PRSS8: variants seen among roughly 807,000 people sequenced by gnomAD.
PRSS8 encodes the protein serine protease 8.
In PRSS8, 11 loss-of-function variants were observed where a neutral mutation model predicts 26.7. That is an observed-to-expected ratio of 0.41 (90% confidence interval 0.26 to 0.68). PRSS8 has a LOEUF of 0.68. PRSS8 is among the 30% of genes least tolerant of loss of function. The pLI is 0.30. For missense variants in PRSS8, 362 were observed against 443.5 expected (o/e 0.82, Z 1.65); for synonymous variants, 183 against 187.0 (o/e 0.98, Z 0.17).
chr16:31,132,511 T>C lies in PRSS8; in HGVS notation c.623A>G (p.Asp208Gly). The C allele has an allele frequency of 6.2e-7, 1 of 1,613,960 alleles. No individual in the cohort carries two copies. Among genetic ancestry groups the C allele is most frequent in the Non-Finnish European group, 8.5e-7 (1 of 1,179,874 alleles). ...AAAGTGCGGCTCCTCAGGCTTGGCGTCGATGTTGTACAGGCAGTTACACGT... is the reference window on the plus strand; with the variant it reads ...AAAGTGCGGCTCCTCAGGCTTGGCGCCGATGTTGTACAGGCAGTTACACGT... The part of the protein sequence containing the change: ...RETCNCLYNI[D>G]AKPEEPHFVQ... The change falls in exon 5 of 6, where the codon GAC becomes GGC. Residue 208 changes from aspartate to glycine, a missense_variant. Asp to Gly is a moderately conservative substitution (Grantham distance 94). Coordinates refer to ENST00000317508, the MANE Select transcript of PRSS8 (RefSeq NM_002773.5). This position sits in a 1 kb window ranked among gnomAD's most constrained non-coding sequence, Gnocchi z 5.2.
At position 31,133,155 on chromosome 16, in the gene PRSS8, C is replaced by T. The variant is rs772285037; in HGVS notation, c.266+71G>A. On this transcript the variant is annotated intron_variant, in intron 3 of 5. Coordinates refer to ENST00000317508, the MANE Select transcript of PRSS8 (RefSeq NM_002773.5). The surrounding 1 kb of genome is among the most constrained non-coding windows in gnomAD (Gnocchi z 4.7). ...ACACTCTCAGACCCAACCCAAGAAC[C>T]CCAACCTCTGACCTGGATTGACCCA... The T allele has an allele frequency of 6.2e-7, 1 of 1,607,896 alleles. No homozygotes were observed. Among genetic ancestry groups the T allele is most frequent in the Admixed American group, 1.7e-5 (1 of 59,872 alleles).
Position 31,135,476 on chromosome 16 carries a change from C to T in PRSS8, c.23G>A (p.Gly8Glu), listed in dbSNP as rs148529565. The T allele has an allele frequency of 4.0e-3, 6,363 of 1,578,322 alleles. 32 individuals carry two copies. The highest frequency in any genetic ancestry group is 0.03 in the Middle Eastern group (181 of 6,016). Residue 8 changes from glycine (G) to glutamate (E), a missense_variant, in exon 1 of 6, where the codon GGG becomes GAG. Transcript: ENST00000317508. ...GGCCACAGCCCCCAGCTGCCCAGGC[C>T]CCAGGACCCCCTTCTGGGCCATGGC... MAQKGVL[G>E]PGQLGAVAIL...
chr16:31,135,177 A>G lies in PRSS8; in HGVS notation c.86-6T>C. ...ACCTTCTGCCCCTTCCGCTCCTAGA[A>G]AGAAAGAGAAAGAGGAGGGGTGAGT... On this transcript the variant is annotated splice_region_variant and splice_polypyrimidine_tract_variant and intron_variant, in intron 1 of 5. Transcript: ENST00000317508. 1 of 1,612,674 alleles carries G rather than the reference A, an allele frequency of 6.2e-7. No homozygotes were observed. The highest frequency in any genetic ancestry group is 1.1e-5 in the South Asian group (1 of 90,604).
intron 2 of PRSS8, chr16:31,134,385 C>T (rs1158696129): frequency 3.9e-5 from 6 of 152,364 alleles, no homozygotes; most frequent in Admixed American, 1.3e-4. Context: ...ACATGACCAG[C>T]TTCATTTTAG....
Position 31,132,370 on chromosome 16 carries a change from C to A in PRSS8, c.706-35G>T. On this transcript the variant is annotated intron_variant, in intron 5 of 5. Coordinates refer to ENST00000317508, the MANE Select transcript of PRSS8 (RefSeq NM_002773.5). The surrounding 1 kb of genome is among the most constrained non-coding windows in gnomAD (Gnocchi z 5.2). ...GAAGCCACACAGCAGCCATCAGGAC[C>A]GGGCCAGGCCTCCTTTCCGAAGTTG... 1 of 1,613,902 alleles carries A rather than the reference C, an allele frequency of 6.2e-7. No homozygotes were observed. The highest frequency in any genetic ancestry group is 8.5e-7 in the Non-Finnish European group (1 of 1,179,854).
rs1479649889 is a variant in PRSS8, at chr16:31,135,725, T to C, written c.-227A>G. On this transcript the variant is annotated 5_prime_UTR_variant, in exon 1 of 6. Transcript: ENST00000317508. ...CAGTGTGGACGAGTCACCAGCACCG[T>C]CTGGCCACGCAGGGTCCTCCCAGGA... 2.0e-6 allele frequency: 1 copy of C among 496,542 alleles called. No individual in the cohort carries two copies. Among genetic ancestry groups the C allele is most frequent in the Non-Finnish European group, 3.6e-6 (1 of 280,548 alleles). 30.8% of individuals were successfully genotyped at this position (496,542 alleles called of 1,614,324 possible).
In PRSS8 at chr16:31,135,243, T is replaced by TG. The variant is rs750961154; in HGVS notation, c.86-73dup. 1.1e-5 allele frequency: 18 copies of TG among 1,607,024 alleles called. No homozygotes were observed. The South Asian group carries it at 2.0e-4, about 18-fold the overall frequency. On this transcript the variant is annotated intron_variant, in intron 1 of 5. Transcript: ENST00000317508. ...TCCCTGACCCCTTAGTACCCACCAC[T>TG]GCTCCAGAGGGCTGGCCCCTTCCCT...
chr16:31,134,828 G>C (rs889253060), intron 2 of PRSS8: 1 of 339,218 alleles, frequency 2.9e-6, no homozygotes, highest in South Asian at 3.8e-5. Flanking sequence ...AGCTGCGATC[G>C]GGCCACTGCA....
chr16:31,133,078 ACCTCTGACC>A lies in PRSS8; in HGVS notation c.267-134_267-126del. 6.4e-7 allele frequency: 1 copy of A among 1,573,436 alleles called. No individual in the cohort carries two copies. Among genetic ancestry groups the A allele is most frequent in the South Asian group, 1.1e-5 (1 of 89,712 alleles). On this transcript the variant is annotated intron_variant, in intron 3 of 5. Transcript: ENST00000317508. The surrounding 1 kb of genome is among the most constrained non-coding windows in gnomAD (Gnocchi z 4.7). ...AATTGCACCTTAGTTTTATCATGTA[ACCTCTGACC>A]CCTCACCTTCACTCCTAACTGGTCC...
intron 1 of PRSS8, 28 bp downstream of exon 1, chr16:31,135,386 C>T (rs1433164902): frequency 6.3e-7 from 1 of 1,580,840 alleles, no homozygotes; most frequent in East Asian, 2.3e-5. Flanking sequence ...GTGCATTGTC[C>T]CCACCCTGCC....
In PRSS8 at chr16:31,135,120, C is replaced by T. The variant is rs1040578443; in HGVS notation, c.103+34G>A. The T allele has an allele frequency of 3.1e-6, 5 of 1,608,878 alleles. No homozygotes were observed. The African/African-American group carries it at 4.0e-5, about 13-fold the overall frequency. On this transcript the variant is annotated intron_variant, in intron 2 of 5. Coordinates refer to ENST00000317508, the MANE Select transcript of PRSS8 (RefSeq NM_002773.5). ...GGGGAATCCGATCCAAGTCACCTCC[C>T]CCTCCCCTCCTCCCTCTCCGAGGAA...
At position 31,131,574 on chromosome 16, in the gene PRSS8, G is replaced by A; in HGVS notation, c.*435C>T. The A allele has an allele frequency of 2.0e-6, 1 of 499,858 alleles. No individual in the cohort carries two copies. The highest frequency in any genetic ancestry group is 3.6e-6 in the Non-Finnish European group (1 of 281,302). The allele number at this position is 499,858 out of a possible 1,614,324, so 31.0% of individuals were successfully genotyped here. On this transcript the variant is annotated 3_prime_UTR_variant, in exon 6 of 6. Coordinates refer to ENST00000317508, the MANE Select transcript of PRSS8 (RefSeq NM_002773.5). ...GCTCAGCGGCCAGTGGGCAAGATTG[G>A]GGCCTTTCCTGTCCTCGAAGCTGCA...
chr16:31,135,057 G>A, intron 2 of PRSS8, 97 bp downstream of exon 2: 1 of 1,440,034 alleles, frequency 6.9e-7, no homozygotes, highest in Non-Finnish European at 9.5e-7. Flanking sequence ...CTAGTTGGAA[G>A]GCAGCCCAGC....
At chr16:31,134,915 C>T in intron 2 of PRSS8, 1 of 569,766 alleles carries the variant, frequency 1.8e-6, no homozygotes, top group Non-Finnish European at 3.1e-6. Context: ...CCTCGATTGC[C>T]CCACTTTGGG....
rs371928654 is a variant in PRSS8 at position 31,132,831 on chromosome 16, C to G, written c.389G>C (p.Gly130Ala). ...GAGGAGTGCAATGTCGCCCTGGGAG[C>G]CCTCCTGGAGGTAGCTGGGGTGGGG... is the stretch of plus-strand genomic sequence containing the variant. ...IIPHPSYLQE[G>A]SQGDIALLQL... The change falls in exon 4 of 6, where the codon GGC becomes GCC. Residue 130 changes from glycine to alanine, a missense_variant. Gly to Ala is a moderately conservative substitution (Grantham distance 60, BLOSUM62 0). Coordinates refer to ENST00000317508, the MANE Select transcript of PRSS8 (RefSeq NM_002773.5). The surrounding 1 kb of genome is among the most constrained non-coding windows in gnomAD (Gnocchi z 5.2). The G allele has an allele frequency of 6.2e-7, 1 of 1,613,864 alleles. No individual in the cohort carries two copies. The highest frequency in any genetic ancestry group is 2.2e-5 in the East Asian group (1 of 44,872).
At position 31,133,336 on chromosome 16, in the gene PRSS8, G is replaced by A. The variant is rs143732587; in HGVS notation, c.156C>T (p.Val52=). The A allele has an allele frequency of 5.7e-5, 92 of 1,613,958 alleles. No homozygotes were observed. The East Asian group carries it at 1.8e-3, about 32-fold the overall frequency. ...TGACCTGCCAGGGCCACTGACCGGC[G>A]ACTGCACTGCTGCCACCTGTGATGC... The part of the protein sequence containing the change: ...QARITGGSSA[V]AGQWPWQVSI... The change falls in exon 3 of 6, where the codon GTC becomes GTT. Residue 52 remains valine (V), a synonymous_variant. Coordinates refer to ENST00000317508, the MANE Select transcript of PRSS8 (RefSeq NM_002773.5). The surrounding 1 kb of genome is among the most constrained non-coding windows in gnomAD (Gnocchi z 4.7).
In PRSS8 at chr16:31,132,393, T is replaced by C; in HGVS notation, c.705+36A>G. 6.2e-7 allele frequency: 1 copy of C among 1,613,840 alleles called. No homozygotes were observed. The highest frequency in any genetic ancestry group is 8.5e-7 in the Non-Finnish European group (1 of 1,179,814). On this transcript the variant is annotated intron_variant, in intron 5 of 5. Transcript: ENST00000317508. This position sits in a 1 kb window ranked among gnomAD's most constrained non-coding sequence, Gnocchi z 5.2. ...ACCGGGCCAGGCCTCCTTTCCGAAG[T>C]TGCACTGGTCATCTGCCCCCCGGGC...
Position 31,131,458 on chromosome 16 carries a change from C to G in PRSS8, c.*551G>C. The G allele has an allele frequency of 1.5e-6, 1 of 660,258 alleles. No individual in the cohort carries two copies. The allele number at this position is 660,258 out of a possible 1,614,324, so 40.9% of individuals were successfully genotyped here. On this transcript the variant is annotated 3_prime_UTR_variant, in exon 6 of 6. Transcript: ENST00000317508. ...TTGTGCTCAAACATTTTAATCATTT[C>G]TGCCCTGTTACTCCCACCCCAGATC...
At position 31,131,942 on chromosome 16, in the gene PRSS8, G is replaced by A; in HGVS notation, c.*67C>T. The A allele has an allele frequency of 6.9e-7, 1 of 1,447,910 alleles. No homozygotes were observed. Among genetic ancestry groups the A allele is most frequent in the Non-Finnish European group, 9.2e-7 (1 of 1,089,070 alleles). The allele number at this position is 1,447,910 out of a possible 1,614,324, so 89.7% of individuals were successfully genotyped here. On this transcript the variant is annotated 3_prime_UTR_variant, in exon 6 of 6. Coordinates refer to ENST00000317508, the MANE Select transcript of PRSS8 (RefSeq NM_002773.5). ...GCTCAAGTCAGGCCCTGGGTCCAAAGGCCATCAGGGAAGGACCAGGCTCCT... is the reference window on the plus strand; with the variant it reads ...GCTCAAGTCAGGCCCTGGGTCCAAAAGCCATCAGGGAAGGACCAGGCTCCT...
Sources: gnomAD v4.1 joint callset for allele counts on GRCh38, gnomAD v4.1.1 for gene constraint, Gnocchi (gnomAD v3.1) non-coding constraint, MANE v1.5 for transcripts, NCBI Gene and HGNC (gene_info 2026-07-23, HGNC 2026-07-21) for gene names.